Variants in NEK11 observed in about 807,000 individuals in gnomAD.
NEK11 encodes NIMA related kinase 11, also known as serine/threonine-protein kinase Nek11.
Under a neutral mutation model 80.7 loss-of-function variants are expected in NEK11, and 72 were observed. The ratio of observed to expected loss-of-function variants is 0.89; its 90% CI spans 0.74 to 1.08. The LOEUF (loss-of-function observed/expected upper bound fraction) is 1.08. NEK11 is among the 50% of genes least tolerant of loss of function. NEK11 has a pLI of 0.00. For synonymous variants in NEK11, 251 were observed against 260.7 expected (o/e 0.96, Z 0.36); for missense variants, 764 against 763.6 (o/e 1.00, Z -0.01).
chr3:131,190,269 G>T (rs2093744288), intron 14 of NEK11, among the ~76,000 whole-genome samples: 1 of 152,160 alleles, frequency 6.6e-6, no homozygotes, highest in Non-Finnish European at 1.5e-5. Context: ...AGTGAACAAA[G>T]CAGACACAAA....
At position 131,273,575 on chromosome 3, in the gene NEK11, G is replaced by T. The variant is rs764946997; in HGVS notation, c.1718+1G>T. ...GGACCAAGATGAAACGCATGAGGGAGTAAGTAGCATGTTGCCTGCCCCCTA... is the reference window on the plus strand; with the variant it reads ...GGACCAAGATGAAACGCATGAGGGATTAAGTAGCATGTTGCCTGCCCCCTA... On this transcript the variant is annotated splice_donor_variant, in intron 17 of 17. Transcript: ENST00000383366. LOFTEE classifies it high-confidence loss of function. 4 of 1,611,380 alleles carry T rather than the reference G, an allele frequency of 2.5e-6. No individual in the cohort carries two copies. In the East Asian group the frequency reaches 8.9e-5, roughly 36 times the overall value.
chr3:131,306,963 C>T lies in NEK11; in HGVS notation c.1718+33389C>T, dbSNP rs1222759401. On this transcript the variant is annotated intron_variant, in intron 17 of 17. Transcript: ENST00000383366. ...AGTTTCCTCTGGTAAGCCATGACTC[C>T]ATGGATTTGCCTGCCTGTGTCTCCA... Among the ~76,000 whole-genome samples the T allele has an allele frequency of 2.6e-5, 4 of 152,138 alleles. No homozygotes were observed. In the East Asian group the frequency reaches 7.7e-4, roughly 29 times the overall value.
At chr3:131,156,704 A>C (rs888039854) in intron 10 of NEK11, among the ~76,000 whole-genome samples, 53 of 152,176 alleles carry the variant, frequency 3.5e-4, no homozygotes, top group African/African-American at 1.2e-3. Context: ...TGGACAAGTT[A>C]CTTAACCTCT....
At chr3:131,084,576 A>T (rs991250326) in intron 4 of NEK11, among the ~76,000 whole-genome samples, 1 of 152,212 alleles carries the variant, frequency 6.6e-6, no homozygotes, top group African/African-American at 2.4e-5. Flanking sequence ...CACACTAGAG[A>T]ATGGGTGAGA....
intron 3 of NEK11, among the ~76,000 whole-genome samples, chr3:131,061,379 T>G (rs1331498752): frequency 6.6e-6 from 1 of 152,112 alleles, no homozygotes; most frequent in Non-Finnish European, 1.5e-5. Flanking sequence ...TTGGGTAGAA[T>G]GTAGGGCAGG....
At chr3:131,145,234 G>A (rs2087898954) in intron 7 of NEK11, among the ~76,000 whole-genome samples, 1 of 151,984 alleles carries the variant, frequency 6.6e-6, no homozygotes, top group Non-Finnish European at 1.5e-5. Context: ...TTAAACTCCT[G>A]GCCTCAACCA....
chr3:131,053,289 GT>G (rs1169800850), intron 3 of NEK11: 1 of 152,202 alleles, frequency 6.6e-6, no homozygotes, highest in African/African-American at 2.4e-5. Context: ...GGTCGAAAAT[GT>G]CTTAATTTAA....
chr3:131,241,702 G>A (rs921054244), intron 15 of NEK11, among the ~76,000 whole-genome samples: 3 of 151,748 alleles, frequency 2.0e-5, no homozygotes, highest in African/African-American at 7.3e-5. Flanking sequence ...GTTTTTTTGT[G>A]TATTTTATGT....
At chr3:131,156,395 T>G (rs1275742527) in intron 10 of NEK11, among the ~76,000 whole-genome samples, 1 of 152,194 alleles carries the variant, frequency 6.6e-6, no homozygotes, top group Non-Finnish European at 1.5e-5. Flanking sequence ...TCTATAGTAT[T>G]GGGTCCTAAC....
intron 17 of NEK11, among the ~76,000 whole-genome samples, chr3:131,332,738 A>G (rs556970655): frequency 6.6e-6 from 1 of 152,230 alleles, no homozygotes; most frequent in African/African-American, 2.4e-5. Flanking sequence ...AGACGAATGT[A>G]TAACTAGAAT....
chr3:131,161,882 A>G (rs1218638569), intron 10 of NEK11, among the ~76,000 whole-genome samples: 3 of 152,228 alleles, frequency 2.0e-5, no homozygotes, highest in Non-Finnish European at 4.4e-5. Context: ...AAATACTAGC[A>G]TTTTGGAATA....
intron 7 of NEK11, among the ~76,000 whole-genome samples, chr3:131,150,190 A>G (rs2149789677): frequency 6.6e-6 from 1 of 151,786 alleles, no homozygotes; most frequent in East Asian, 1.9e-4. Flanking sequence ...CTGTGGTCTG[A>G]CTTTGAAGAT....
chr3:131,272,666 A>T (rs1358180692), intron 16 of NEK11, among the ~76,000 whole-genome samples: 1 of 151,468 alleles, frequency 6.6e-6, no homozygotes, highest in Non-Finnish European at 1.5e-5. Context: ...AGTAGAGACG[A>T]GGTTTCACCA....
chr3:131,207,431 A>G (rs1560969883), intron 14 of NEK11, among the ~76,000 whole-genome samples: 1 of 152,070 alleles, frequency 6.6e-6, no homozygotes, highest in Non-Finnish European at 1.5e-5. Flanking sequence ...AAAATACAAA[A>G]AATTAGCTGG....
intron 17 of NEK11, among the ~76,000 whole-genome samples, chr3:131,294,487 A>C (rs1399523275): frequency 6.6e-6 from 1 of 151,340 alleles, no homozygotes; most frequent in Non-Finnish European, 1.5e-5. Context: ...AATATGGTCT[A>C]TCTCGGTGAA....
chr3:131,277,632 A>G (rs1195653775), intron 17 of NEK11, among the ~76,000 whole-genome samples: 1 of 152,244 alleles, frequency 6.6e-6, no homozygotes, highest in Non-Finnish European at 1.5e-5. Flanking sequence ...CAAGTTCTCT[A>G]AACTGGGGGC....
chr3:131,196,491 A>C (rs1358606146), intron 14 of NEK11, among the ~76,000 whole-genome samples: 1 of 152,162 alleles, frequency 6.6e-6, no homozygotes, highest in Non-Finnish European at 1.5e-5. Context: ...AAGTCATAAA[A>C]GACTTACAGA....
At chr3:131,108,531 G>A (rs1470052302) in intron 4 of NEK11, among the ~76,000 whole-genome samples, 2 of 152,012 alleles carry the variant, frequency 1.3e-5, no homozygotes, top group South Asian at 2.1e-4. Flanking sequence ...AATGGATCAG[G>A]TCTAAGGGTT....
intron 17 of NEK11, among the ~76,000 whole-genome samples, chr3:131,331,921 T>C (rs374498439): frequency 1.1e-4 from 16 of 152,168 alleles, no homozygotes; most frequent in East Asian, 7.7e-4. Context: ...GAGGGGCGCC[T>C]GCCATTGCCC....
Sources: gnomAD v4.1 joint callset for allele counts (sites outside exome capture counted in the v4.1 genomes callset) on GRCh38, gnomAD v4.1.1 for gene constraint, MANE v1.5 for transcripts, NCBI Gene and HGNC (gene_info 2026-07-23, HGNC 2026-07-21) for gene names.